UBE2L6: variants seen among roughly 807,000 people sequenced by gnomAD.
The protein encoded by UBE2L6 is ubiquitin/ISG15-conjugating enzyme E2 L6.
In UBE2L6, 11 loss-of-function variants were observed where a neutral mutation model predicts 13.6. The ratio of observed to expected loss-of-function variants is 0.81; its 90% confidence interval spans 0.51 to 1.34. The LOEUF is 1.34. Among genes scored for constraint, UBE2L6 ranks in the 40% most tolerant of loss-of-function variants. The pLI is 0.00. For missense variants in UBE2L6, 197 were observed against 199.5 expected (o/e 0.99, Z 0.07); for synonymous variants, 74 against 83.2 (o/e 0.89, Z 0.60).
upstream of UBE2L6, chr11:57,567,682 C>A: frequency 1.3e-6 from 2 of 1,530,186 alleles, no homozygotes; most frequent in Non-Finnish European, 1.8e-6. Flanking sequence ...CAGCGCGCCC[C>A]GCCCCGCCCC....
At chr11:57,560,566 T>C (rs1945033946) in intron 1 of UBE2L6, 134 bp from the exon 2 acceptor site, 2 of 652,500 alleles carry the variant, frequency 3.1e-6, no homozygotes, top group African/African-American at 1.8e-5. Flanking sequence ...AGTCAGAGCC[T>C]ACATTTACTG....
intron 1 of UBE2L6, among the ~76,000 whole-genome samples, chr11:57,560,920 G>A (rs887346255): frequency 7.2e-5 from 11 of 152,028 alleles, no homozygotes; most frequent in African/African-American, 2.7e-4. Flanking sequence ...GCGCCCAGCC[G>A]GTGCTGGTGC....
In UBE2L6 at chr11:57,560,369, T is replaced by C. The variant is rs780484528; in HGVS notation, c.91A>G (p.Asn31Asp). Reference sequence around the variant, plus strand: ...AGGAGAGCGTGCCACACCAGGACATTGGCATCATCGCTGGACAGGTTCCGC... The same window carrying C: ...AGGAGAGCGTGCCACACCAGGACATCGGCATCATCGCTGGACAGGTTCCGC... ...YLRNLSSDDA[N>D]VLVWHALLLP... is the part of the protein sequence containing the mutation. The change falls in exon 2 of 4, where the codon AAT becomes GAT. Residue 31 changes from asparagine to aspartate, a missense_variant. Asn to Asp is a conservative substitution (Grantham distance 23, BLOSUM62 1). Transcript: ENST00000287156. 1 of 1,613,976 alleles carries C rather than the reference T, an allele frequency of 6.2e-7. No homozygotes were observed. Among genetic ancestry groups the C allele is most frequent in the Non-Finnish European group, 8.5e-7 (1 of 1,179,944 alleles).
intron 2 of UBE2L6, among the ~76,000 whole-genome samples, chr11:57,555,578 G>GTGTT (rs201296116): frequency 3.3e-5 from 5 of 152,292 alleles, no homozygotes; most frequent in Admixed American, 1.3e-4. Flanking sequence ...GCAACAATGT[G>GTGTT]TGTTTGTTTG....
chr11:57,554,251 A>T (rs1008608202), intron 3 of UBE2L6, among the ~76,000 whole-genome samples, 186 bp downstream of exon 3: 4 of 152,172 alleles, frequency 2.6e-5, no homozygotes, highest in African/African-American at 4.8e-5. Context: ...CAGGTATAAG[A>T]AGAGAGGCAG....
At chr11:57,561,383 T>C (rs1467939616) in intron 1 of UBE2L6, among the ~76,000 whole-genome samples, 1 of 152,198 alleles carries the variant, frequency 6.6e-6, no homozygotes, top group Non-Finnish European at 1.5e-5. Flanking sequence ...CATCTTCTAC[T>C]GACATTTAAC....
chr11:57,565,486 T>G (rs1203495132), intron 1 of UBE2L6, among the ~76,000 whole-genome samples: 1 of 144,678 alleles, frequency 6.9e-6, no homozygotes, highest in Non-Finnish European at 1.5e-5. Context: ...TACCTCAGCC[T>G]CCCAAGTAGC....
intron 1 of UBE2L6, among the ~76,000 whole-genome samples, chr11:57,564,013 G>C (rs367570734): frequency 6.6e-6 from 1 of 152,252 alleles, no homozygotes; most frequent in Non-Finnish European, 1.5e-5. Flanking sequence ...GGTAGGGAGA[G>C]AGACAGGGCT....
intron 3 of UBE2L6, among the ~76,000 whole-genome samples, chr11:57,553,478 G>GAGAC (rs1944974334): frequency 6.6e-6 from 1 of 151,362 alleles, no homozygotes; most frequent in Non-Finnish European, 1.5e-5. Flanking sequence ...CTGGGCAATA[G>GAGAC]AGACAGACCG....
intron 2 of UBE2L6, among the ~76,000 whole-genome samples, chr11:57,555,864 C>T (rs912898169): frequency 6.6e-6 from 1 of 152,140 alleles, no homozygotes; most frequent in African/African-American, 2.4e-5. Context: ...GCCACCATGC[C>T]CAGCTGTAAT....
At chr11:57,563,748 A>G (rs1249693559) in intron 1 of UBE2L6, among the ~76,000 whole-genome samples, 1 of 151,526 alleles carries the variant, frequency 6.6e-6, no homozygotes, top group Non-Finnish European at 1.5e-5. Context: ...AAAAAAAAAA[A>G]AAAATTAGCC....
chr11:57,565,182 C>T (rs1034335165), intron 1 of UBE2L6, among the ~76,000 whole-genome samples: 35 of 151,452 alleles, frequency 2.3e-4, no homozygotes, highest in African/African-American at 8.0e-4. Context: ...GCGGAGGTTG[C>T]GGTGAGCTGA....
chr11:57,567,441 G>C, intron 1 of UBE2L6, 144 bp downstream of exon 1: 1 of 1,197,530 alleles, frequency 8.4e-7, no homozygotes, highest in Non-Finnish European at 1.2e-6. Flanking sequence ...CTGAGTAGAG[G>C]GCGGGGAGGA....
rs774469228 is a variant in UBE2L6 at position 57,554,510 on chromosome 11, C to T, written c.237G>A (p.Val79=). 1.2e-6 allele frequency: 2 copies of T among 1,614,184 alleles called. No homozygotes were observed. Among genetic ancestry groups the T allele is most frequent in the Non-Finnish European group, 1.7e-6 (2 of 1,180,032 alleles). ...KFTTKIYHPN[V]DENGQICLPI... The stretch of plus-strand genomic sequence containing the variant: ...GCAGGCAAATCTGTCCGTTCTCGTC[C>T]ACGTTGGGGTGGTAGATCTTGGTTG... Residue 79 remains valine (V), a synonymous_variant, in exon 3 of 4, where the codon GTG becomes GTA. Transcript: ENST00000287156.
rs745785085 is a variant in UBE2L6, at chr11:57,567,476, CCAGA to C, written c.27+105_27+108del. 242 of 1,475,472 alleles carry C rather than the reference CCAGA, an allele frequency of 1.6e-4. 1 individual carries two copies. Among genetic ancestry groups the C allele is most frequent in the Non-Finnish European group, 2.0e-4 (211 of 1,077,552 alleles). The allele number at this position is 1,475,472 out of a possible 1,614,324, so 91.4% of individuals were successfully genotyped here. Reference sequence around the variant, plus strand: ...ACAGGGATTCAGCCAGCCCTGGTGCCCAGACAAATAAATAAATGTGCTCGGAGAG... The same window carrying C: ...ACAGGGATTCAGCCAGCCCTGGTGCCCAAATAAATAAATGTGCTCGGAGAG... On this transcript the variant is annotated intron_variant, in intron 1 of 3. Transcript: ENST00000287156.
intron 1 of UBE2L6, 191 bp from the exon 2 acceptor site, chr11:57,560,623 CTTT>C (rs11301277): frequency 8.0e-3 from 2,972 of 372,598 alleles, no homozygotes; most frequent in East Asian, 0.013. Flanking sequence ...TTTCTTTTTT[CTTT>C]TTTTTTTTTT....
chr11:57,552,631 T>G (rs1434678347), intron 3 of UBE2L6, 122 bp from the exon 4 acceptor site: 4 of 1,297,236 alleles, frequency 3.1e-6, no homozygotes, highest in South Asian at 2.7e-5. Flanking sequence ...CGCTTAGGAT[T>G]ACTCTACGAC....
chr11:57,566,835 C>T lies in UBE2L6; in HGVS notation c.27+750G>A, dbSNP rs1025721528. ...TCCATCTCCAAACACCCTGGGTTTT[C>T]CCACCTTCTGGAGGAAACTGCCCCC... On this transcript the variant is annotated intron_variant, in intron 1 of 3. Transcript: ENST00000287156. 2.0e-5 allele frequency among the ~76,000 whole-genome samples: 3 copies of T among 152,214 alleles called. No homozygotes were observed. In the South Asian group the frequency reaches 6.2e-4, roughly 32 times the overall value.
chr11:57,553,861 A>G (rs1590807255), intron 3 of UBE2L6, among the ~76,000 whole-genome samples: 2 of 152,322 alleles, frequency 1.3e-5, no homozygotes, highest in South Asian at 2.1e-4. Context: ...CAGTTGCAAC[A>G]GCCACATGTG....
Sources: gnomAD v4.1 joint callset for allele counts (sites outside exome capture counted in the v4.1 genomes callset) on GRCh38, gnomAD v4.1.1 for gene constraint, MANE v1.5 for transcripts, NCBI Gene and HGNC (gene_info 2026-07-23, HGNC 2026-07-21) for gene names.